The following NFX1 variants were observed in gnomAD, a reference collection of about 807,000 sequenced individuals.
NFX1 encodes nuclear transcription factor, X-box binding 1.
A neutral mutation model predicts 137.2 loss-of-function variants in NFX1; 69 were observed. The observed-to-expected ratio is 0.50, with a 90% confidence interval of 0.41 to 0.61. The LOEUF is 0.61. Ranked by LOEUF, NFX1 falls within the 20% of genes least tolerant of loss-of-function variation. The pLI is 0.00. For missense variants in NFX1, 1,167 were observed against 1,391.0 expected (o/e 0.84, Z 2.56); for synonymous variants, 495 against 474.1 (o/e 1.04, Z -0.57).
intron 7 of NFX1, among the ~76,000 whole-genome samples, chr9:33,314,550 G>A (rs1466856630): frequency 5.9e-5 from 9 of 151,844 alleles, no homozygotes; most frequent in East Asian, 5.9e-4. Context: ...GGTGGTGGGC[G>A]CCTGTAATCC....
chr9:33,297,767 T>G (rs1466766555), intron 2 of NFX1, among the ~76,000 whole-genome samples: 1 of 152,220 alleles, frequency 6.6e-6, no homozygotes, highest in Admixed American at 6.5e-5. Context: ...GATAGTTTGC[T>G]TCTTTGAGGC....
intron 19 of NFX1, among the ~76,000 whole-genome samples, chr9:33,358,245 G>A (rs577320206): frequency 5.3e-5 from 8 of 151,498 alleles, no homozygotes; most frequent in East Asian, 3.9e-4. Flanking sequence ...CTGCCTCAGC[G>A]TCCCAAGTAG....
At chr9:33,311,902 G>A (rs1821976564) in intron 6 of NFX1, among the ~76,000 whole-genome samples, 1 of 152,110 alleles carries the variant, frequency 6.6e-6, no homozygotes, top group Admixed American at 6.5e-5. Flanking sequence ...ACCAGGAGTT[G>A]AACCCAGGCC....
chr9:33,342,515 A>G (rs1823265228), intron 12 of NFX1, among the ~76,000 whole-genome samples: 3 of 152,372 alleles, frequency 2.0e-5, no homozygotes, highest in East Asian at 3.9e-4. Context: ...GACTACTAGT[A>G]TAGAGAGTCC....
At chr9:33,310,933 A>G (rs952684080) in intron 5 of NFX1, among the ~76,000 whole-genome samples, 173 bp from the exon 6 acceptor site, 6 of 152,226 alleles carry the variant, frequency 3.9e-5, no homozygotes, top group Non-Finnish European at 7.3e-5. Flanking sequence ...TTTTGCACAT[A>G]AAAGTACAGT....
At chr9:33,332,374 G>A in intron 10 of NFX1, 98 bp from the exon 11 acceptor site, 1 of 1,149,476 alleles carries the variant, frequency 8.7e-7, no homozygotes, top group Non-Finnish European at 1.3e-6. Context: ...AGAAGTATGG[G>A]ATATTTGGGA....
chr9:33,320,524 G>A (rs1169381681), intron 9 of NFX1, among the ~76,000 whole-genome samples: 1 of 152,110 alleles, frequency 6.6e-6, no homozygotes, highest in African/African-American at 2.4e-5. Context: ...ATGCTTGCCT[G>A]TCTACTTTTA....
At chr9:33,310,096 A>G (rs1277288229) in intron 5 of NFX1, among the ~76,000 whole-genome samples, 1 of 152,234 alleles carries the variant, frequency 6.6e-6, no homozygotes. Flanking sequence ...AAGACTAGAC[A>G]CTTGTTCCTG....
intron 3 of NFX1, among the ~76,000 whole-genome samples, chr9:33,302,657 GT>G (rs983442287): frequency 4.1e-5 from 6 of 146,686 alleles, no homozygotes; most frequent in African/African-American, 1.5e-4. Context: ...CTAGCTAGTG[GT>G]TTTTTTTTGT....
At chr9:33,293,130 G>A (rs1167047000) in intron 1 of NFX1, among the ~76,000 whole-genome samples, 2 of 152,206 alleles carry the variant, frequency 1.3e-5, no homozygotes, top group African/African-American at 4.8e-5. Flanking sequence ...TAGTGTAAGA[G>A]CGCAGTCTCT....
chr9:33,361,751 C>T (rs1024794332), intron 19 of NFX1, among the ~76,000 whole-genome samples: 2 of 151,616 alleles, frequency 1.3e-5, no homozygotes, highest in Admixed American at 6.6e-5. Flanking sequence ...CCAGCCTGGG[C>T]GACAAGAGCA....
intron 13 of NFX1, 116 bp from the exon 14 acceptor site, chr9:33,343,953 C>A: frequency 7.4e-7 from 1 of 1,347,586 alleles, no homozygotes; most frequent in Non-Finnish European, 1.0e-6. Context: ...AGTAGCACCC[C>A]CATAAATTCT....
intron 15 of NFX1, 65 bp downstream of exon 15, chr9:33,347,182 T>G (rs984153280): frequency 6.8e-5 from 84 of 1,237,670 alleles, no homozygotes; most frequent in Non-Finnish European, 9.2e-5. Context: ...TACTTAAGAA[T>G]TGTTAGTCTC....
intron 9 of NFX1, among the ~76,000 whole-genome samples, chr9:33,326,300 C>T (rs1822585842): frequency 6.6e-6 from 1 of 151,642 alleles, no homozygotes; most frequent in African/African-American, 2.4e-5. Context: ...GTGATCCCAG[C>T]TACTCAGGAG....
intron 22 of NFX1, 43 bp downstream of exon 22, chr9:33,366,817 C>A: frequency 1.9e-6 from 3 of 1,591,304 alleles, no homozygotes; most frequent in Non-Finnish European, 2.6e-6. Context: ...CTAAGCAGGG[C>A]AAACTGGACC....
intron 3 of NFX1, among the ~76,000 whole-genome samples, chr9:33,302,816 C>T (rs1453307073): frequency 2.0e-5 from 3 of 151,842 alleles, no homozygotes; most frequent in East Asian, 1.9e-4. Flanking sequence ...ATTACAGGCG[C>T]GCACCACCAC....
At chr9:33,296,735 A>G (rs1821371324) in intron 2 of NFX1, among the ~76,000 whole-genome samples, 1 of 152,196 alleles carries the variant, frequency 6.6e-6, no homozygotes, top group Admixed American at 6.5e-5. Context: ...CGGGGGGAAA[A>G]AAGTTACTTT....
rs538487021 is a variant in NFX1, at chr9:33,319,802, A to G, written c.1906+675A>G. Among the ~76,000 whole-genome samples the G allele has an allele frequency of 2.1e-4, 31 of 150,228 alleles. 2 individuals carry two copies. In the South Asian group the frequency reaches 6.3e-3, roughly 31 times the overall value. The stretch of plus-strand genomic sequence containing the variant: ...TGGGATTACAGGTGTAAGCCACTGT[A>G]CCTGGCCAAAGAACTAAAATTGTAA... On this transcript the variant is annotated intron_variant, in intron 9 of 23. Transcript: ENST00000379540.
At chr9:33,353,294 C>T (rs557262064) in intron 17 of NFX1, among the ~76,000 whole-genome samples, 1 of 152,318 alleles carries the variant, frequency 6.6e-6, no homozygotes, top group Admixed American at 6.5e-5. Context: ...CAGGGCTAAG[C>T]TCTGTGCTCC....
Sources: gnomAD v4.1 joint callset for allele counts (sites outside exome capture counted in the v4.1 genomes callset) on GRCh38, gnomAD v4.1.1 for gene constraint, MANE v1.5 for transcripts, NCBI Gene and HGNC (gene_info 2026-07-23, HGNC 2026-07-21) for gene names.